Variants in UTP20 observed in about 807,000 individuals in gnomAD.
UTP20 encodes small subunit processome component 20 homolog.
UTP20 carries 164 observed loss-of-function variants against 329.5 expected under a neutral mutation model. The observed-to-expected ratio is 0.50, with a 90% CI of 0.44 to 0.57. The LOEUF (loss-of-function observed/expected upper bound fraction) is 0.57, where lower values mean the gene tolerates loss of function less well. Ranked by LOEUF, UTP20 falls within the 20% of genes least tolerant of loss-of-function variation. UTP20 has a pLI of 0.00. For missense variants in UTP20, 3,055 were observed against 3,284.2 expected (o/e 0.93, Z 1.71); for synonymous variants, 1,151 against 1,159.3 (o/e 0.99, Z 0.14).
intron 38 of UTP20, among the ~76,000 whole-genome samples, chr12:101,347,341 G>A (rs1027833464): frequency 1.3e-5 from 2 of 152,036 alleles, no homozygotes; most frequent in African/African-American, 4.8e-5. Context: ...TGGCCAAAAT[G>A]GCAAAAACCC....
At chr12:101,340,499 T>C (rs7963896) in intron 31 of UTP20, 24 bp from the exon 32 acceptor site, 469,471 of 1,431,022 alleles carry the variant, frequency 0.33, 97,905 homozygotes, top group East Asian at 0.93. Flanking sequence ...ATGTTCCTTA[T>C]ATATCCGTTT....
chr12:101,307,289 T>C (rs1423797281), intron 17 of UTP20, among the ~76,000 whole-genome samples: 1 of 105,266 alleles, frequency 9.5e-6, no homozygotes, highest in East Asian at 3.6e-4. Context: ...TTCAAACTTT[T>C]TGAATACACA....
rs76030864 is a variant in UTP20 at position 101,327,838 on chromosome 12, G to A, written c.3208+591G>A. On this transcript the variant is annotated intron_variant, in intron 26 of 61. Coordinates refer to ENST00000261637, the MANE Select transcript of UTP20 (RefSeq NM_014503.3). ...AACAGTAATGACTAACATGTATTGAGTGCTTACTTTATGCCAGATGTTATG... is the reference window on the plus strand; with the variant it reads ...AACAGTAATGACTAACATGTATTGAATGCTTACTTTATGCCAGATGTTATG... Among the ~76,000 whole-genome samples the A allele has an allele frequency of 8.9e-3, 1,357 of 152,302 alleles. 26 individuals carry two copies. Among genetic ancestry groups the A allele is most frequent in the African/African-American group, 0.031 (1,302 of 41,572 alleles).
At position 101,290,833 on chromosome 12, in the gene UTP20, C is replaced by G; in HGVS notation, c.836C>G (p.Ser279Cys). ...IGETLKNMVK[S>C]TVSYISKEHF... ...GAAACACTCAAAAACATGGTCAAAT[C>G]CACTGTATCCTACATCTCCAAGGAA... The change falls in exon 8 of 62, where the codon TCC becomes TGC. Residue 279 changes from serine (S) to cysteine (C), a missense_variant. This residue lies in a region of UTP20 where 2,445 missense variants were observed against 2,575.5 expected (regional missense o/e 0.95). Transcript: ENST00000261637. 6.2e-7 allele frequency: 1 copy of G among 1,614,020 alleles called. No homozygotes were observed. Among genetic ancestry groups the G allele is most frequent in the South Asian group, 1.1e-5 (1 of 91,052 alleles).
chr12:101,336,896 T>C (rs983777457), intron 29 of UTP20, among the ~76,000 whole-genome samples: 1 of 152,234 alleles, frequency 6.6e-6, no homozygotes, highest in African/African-American at 2.4e-5. Flanking sequence ...GGAAAACGGT[T>C]TGGTCACTGG....
chr12:101,382,034 A>AAT (rs1488017053), intron 58 of UTP20, among the ~76,000 whole-genome samples: 2 of 151,292 alleles, frequency 1.3e-5, no homozygotes, highest in African/African-American at 4.9e-5. Context: ...AAAAAAAAAA[A>AAT]AAGAGAGAGA....
intron 38 of UTP20, among the ~76,000 whole-genome samples, chr12:101,351,149 C>T (rs1209586816): frequency 6.7e-6 from 1 of 149,510 alleles, no homozygotes; most frequent in African/African-American, 2.5e-5. Flanking sequence ...TTTTCCAAGA[C>T]GCAGTCTCAC....
intron 34 of UTP20, 44 bp from the exon 35 acceptor site, chr12:101,342,896 AT>A (rs779484529): frequency 1.2e-6 from 2 of 1,609,742 alleles, no homozygotes; most frequent in Admixed American, 3.4e-5. Context: ...TTTACTGAAG[AT>A]TTATATGCCT....
rs554939718 is a variant in UTP20, at chr12:101,333,913, C to G, written c.3561+469C>G. Among the ~76,000 whole-genome samples, 4 of 152,366 alleles carry G rather than the reference C, an allele frequency of 2.6e-5. No individual in the cohort carries two copies. In the South Asian group the frequency reaches 8.3e-4, roughly 32 times the overall value. ...TCCTGACCTCAGGTGATCCGCCTGC[C>G]TTGGCCTCCCAAAGTGCTGGGATTA... On this transcript the variant is annotated intron_variant, in intron 28 of 61. Transcript: ENST00000261637.
intron 40 of UTP20, among the ~76,000 whole-genome samples, chr12:101,353,875 A>G (rs12308949): frequency 0.041 from 6,170 of 152,282 alleles, 331 homozygotes; most frequent in African/African-American, 0.13. Context: ...CTTGGCTGAG[A>G]TGTACAAATT....
intron 5 of UTP20, 123 bp from the exon 6 acceptor site, chr12:101,288,833 ATTTG>A (rs1872040519): frequency 3.8e-6 from 3 of 796,656 alleles, no homozygotes; most frequent in Non-Finnish European, 3.9e-6. Flanking sequence ...GAGATTTTAA[ATTTG>A]TTTGATACCT....
chr12:101,280,820 G>A (rs1409787210), intron 1 of UTP20, among the ~76,000 whole-genome samples: 6 of 152,170 alleles, frequency 3.9e-5, no homozygotes, highest in Non-Finnish European at 8.8e-5. Flanking sequence ...GCTTATGGGA[G>A]GGTATGAAAC....
At chr12:101,319,804 G>GA (rs1331611449) in intron 23 of UTP20, among the ~76,000 whole-genome samples, 169 bp downstream of exon 23, 2 of 151,078 alleles carry the variant, frequency 1.3e-5, no homozygotes, top group East Asian at 3.9e-4. Context: ...CTGTTATCTT[G>GA]AGAAACAGTT....
chr12:101,378,800 T>C (rs1327761967), intron 56 of UTP20, among the ~76,000 whole-genome samples: 7 of 152,272 alleles, frequency 4.6e-5, no homozygotes, highest in Admixed American at 1.3e-4. Flanking sequence ...CTTATGGAAC[T>C]GGTCTGTTTG....
At chr12:101,357,561 G>C (rs533847354) in intron 43 of UTP20, among the ~76,000 whole-genome samples, 6 of 152,250 alleles carry the variant, frequency 3.9e-5, no homozygotes, top group African/African-American at 1.4e-4. Context: ...GACCAGCCTG[G>C]TTAACATAGT....
chr12:101,334,970 C>CA lies in UTP20; in HGVS notation c.3641+480dup, dbSNP rs954183189. On this transcript the variant is annotated intron_variant, in intron 29 of 61. Transcript: ENST00000261637. ...CCTGGGTGAAAGCGAGACCCTGTCT[C>CA]AAAAAAAAAAAAAAGATAAAAAGAT... Among the ~76,000 whole-genome samples, 333 of 102,590 alleles carry CA rather than the reference C, an allele frequency of 3.2e-3. 1 individual carries two copies. The highest frequency in any genetic ancestry group is 0.013 in the Middle Eastern group (2 of 160). The allele number at this position is 102,590 out of a possible 152,430, so 67.3% of individuals were successfully genotyped here. A position where few individuals can be genotyped will look rare whatever the true frequency, so the allele number is the denominator to read the frequency against.
chr12:101,325,474 C>T (rs1314196423), intron 25 of UTP20, among the ~76,000 whole-genome samples: 3 of 152,198 alleles, frequency 2.0e-5, no homozygotes, highest in South Asian at 2.1e-4. Flanking sequence ...ACTCCTAGTA[C>T]CCTAGCACAT....
At chr12:101,347,739 A>G (rs1038682208) in intron 38 of UTP20, among the ~76,000 whole-genome samples, 2 of 152,246 alleles carry the variant, frequency 1.3e-5, no homozygotes, top group Admixed American at 1.3e-4. Context: ...AAAGCTAGTA[A>G]GCACAACCTA....
At chr12:101,345,433 C>CTT in intron 36 of UTP20, 121 bp from the exon 37 acceptor site, 5 of 652,406 alleles carry the variant, frequency 7.7e-6, no homozygotes, top group East Asian at 3.3e-5. Flanking sequence ...GCAATCCTGA[C>CTT]TTTTTTTTTT....
Sources: allele counts gnomAD v4.1 joint callset (sites outside exome capture counted in the v4.1 genomes callset), GRCh38; gene constraint gnomAD v4.1.1; regional missense constraint gnomAD v4.1.1; transcripts MANE v1.5; gene names NCBI Gene and HGNC (gene_info 2026-07-23, HGNC 2026-07-21).